The following PRKD1 variants were observed in gnomAD, a reference collection of about 807,000 sequenced individuals.
The protein encoded by PRKD1 is protein kinase D1.
PRKD1 carries 63 observed loss-of-function variants against 95.9 expected under a neutral mutation model. That is an observed-to-expected ratio of 0.66 (90% CI 0.54 to 0.81). The LOEUF is 0.81. Among genes scored for constraint, PRKD1 ranks in the 30% least tolerant of loss-of-function variants. The pLI, the probability that PRKD1 is intolerant of heterozygous loss-of-function variation, is 0.00. For synonymous variants in PRKD1, 425 were observed against 423.1 expected (o/e 1.00, Z -0.05); for missense variants, 1,048 against 1,165.3 (o/e 0.90, Z 1.47).
At chr14:29,923,805 T>C (rs1895203497) in intron 1 of PRKD1, among the ~76,000 whole-genome samples, 1 of 146,294 alleles carries the variant, frequency 6.8e-6, no homozygotes, top group East Asian at 2.0e-4. Flanking sequence ...CACAGCTCAT[T>C]TGAGGAAAAA....
chr14:29,702,431 C>T (rs965167345), intron 2 of PRKD1, among the ~76,000 whole-genome samples: 1 of 151,984 alleles, frequency 6.6e-6, no homozygotes, highest in Non-Finnish European at 1.5e-5. Context: ...TTCTTTCTCA[C>T]TTCCCTGTTA....
At chr14:29,594,907 A>G (rs1027875436) in intron 16 of PRKD1, among the ~76,000 whole-genome samples, 7 of 152,138 alleles carry the variant, frequency 4.6e-5, no homozygotes, top group African/African-American at 1.7e-4. Context: ...CTTTTGTGAC[A>G]CCTTAACTGA....
chr14:29,801,953 G>A (rs890459754), intron 1 of PRKD1, among the ~76,000 whole-genome samples: 7 of 152,228 alleles, frequency 4.6e-5, no homozygotes, highest in Admixed American at 6.5e-5. Context: ...CTCCCAAAGT[G>A]CTGGGATTAC....
intron 16 of PRKD1, among the ~76,000 whole-genome samples, chr14:29,584,789 A>G (rs982947960): frequency 6.6e-5 from 10 of 152,174 alleles, no homozygotes; most frequent in African/African-American, 2.4e-4. Flanking sequence ...AAGATCAGTG[A>G]CTTCTTTTAG....
intron 1 of PRKD1, among the ~76,000 whole-genome samples, chr14:29,865,375 A>C (rs949595876): frequency 6.6e-6 from 1 of 152,232 alleles, no homozygotes; most frequent in Non-Finnish European, 1.5e-5. Flanking sequence ...GTCCCTATAA[A>C]ACCCATGTTG....
chr14:29,609,503 C>CAT (rs1211217345), intron 13 of PRKD1, among the ~76,000 whole-genome samples: 9 of 60,902 alleles, frequency 1.5e-4, no homozygotes, highest in African/African-American at 6.1e-4. Context: ...TGTGTGTGTG[C>CAT]GTGCACACAC....
chr14:29,720,720 C>T (rs1218595964), intron 2 of PRKD1, among the ~76,000 whole-genome samples: 1 of 151,156 alleles, frequency 6.6e-6, no homozygotes, highest in East Asian at 1.9e-4. Context: ...GTGGAGGTTG[C>T]AGTGAGCCAA....
At chr14:29,905,349 G>A (rs1894458665) in intron 1 of PRKD1, among the ~76,000 whole-genome samples, 1 of 152,154 alleles carries the variant, frequency 6.6e-6, no homozygotes, top group African/African-American at 2.4e-5. Context: ...TGCACTTCAA[G>A]GAATGTGGGT....
chr14:29,663,783 G>A lies in PRKD1; in HGVS notation c.612C>T (p.Leu204=), dbSNP rs1420535890. 1 of 1,614,026 alleles carries A rather than the reference G, an allele frequency of 6.2e-7. No homozygotes were observed. Among genetic ancestry groups the A allele is most frequent in the Non-Finnish European group, 8.5e-7 (1 of 1,179,964 alleles). Residue 204 remains leucine (L), a synonymous_variant, in exon 4 of 18, where the codon CTC becomes CTT. Transcript: ENST00000331968. ...NNCSGVRRRR[L]SNVSLTGVST... ...TGACCCCAGTGAGGGAAACGTTTGA[G>A]AGCCTTCTCCGCCTCACACCGCTGC...
intron 1 of PRKD1, among the ~76,000 whole-genome samples, chr14:29,759,604 G>A (rs1184489226): frequency 6.6e-6 from 1 of 152,118 alleles, no homozygotes; most frequent in Non-Finnish European, 1.5e-5. Flanking sequence ...GTGATTCTTG[G>A]ATTAAGTTTG....
intron 1 of PRKD1, among the ~76,000 whole-genome samples, chr14:29,812,571 G>A (rs1000656225): frequency 6.6e-6 from 1 of 152,178 alleles, no homozygotes; most frequent in Admixed American, 6.5e-5. Context: ...ATGGTGGAAG[G>A]TGAAGGGGAA....
intron 1 of PRKD1, among the ~76,000 whole-genome samples, chr14:29,911,434 C>T (rs1279268150): frequency 1.3e-5 from 2 of 152,112 alleles, no homozygotes; most frequent in Admixed American, 6.6e-5. Flanking sequence ...AATTATAAAA[C>T]CAATGTACAT....
intron 1 of PRKD1, among the ~76,000 whole-genome samples, chr14:29,901,527 C>A (rs1157054034): frequency 6.6e-6 from 1 of 152,016 alleles, no homozygotes; most frequent in Non-Finnish European, 1.5e-5. Flanking sequence ...ACAGCAACAA[C>A]AATAGTAGAA....
At chr14:29,850,339 T>C (rs1892259404) in intron 1 of PRKD1, among the ~76,000 whole-genome samples, 1 of 152,210 alleles carries the variant, frequency 6.6e-6, no homozygotes, top group Admixed American at 6.5e-5. Context: ...CTGGAACTGA[T>C]AAATGACTTG....
chr14:29,672,941 G>A (rs904012800), intron 2 of PRKD1, among the ~76,000 whole-genome samples: 16 of 152,012 alleles, frequency 1.1e-4, no homozygotes, highest in African/African-American at 2.9e-4. Context: ...GATGCACCGG[G>A]ACAGTAGGAG....
At chr14:29,906,026 A>T (rs1297717001) in intron 1 of PRKD1, among the ~76,000 whole-genome samples, 1 of 152,174 alleles carries the variant, frequency 6.6e-6, no homozygotes, top group Non-Finnish European at 1.5e-5. Context: ...AAAACACATG[A>T]GGTGTAAATC....
At chr14:29,608,452 G>A (rs1336455648) in intron 13 of PRKD1, among the ~76,000 whole-genome samples, 2 of 151,806 alleles carry the variant, frequency 1.3e-5, no homozygotes, top group African/African-American at 2.4e-5. Context: ...GATATATAAG[G>A]GAAAGATGAA....
intron 16 of PRKD1, among the ~76,000 whole-genome samples, chr14:29,581,813 TAAGCCCATCTGCTA>T (rs1362229996): frequency 6.6e-6 from 1 of 152,180 alleles, no homozygotes; most frequent in African/African-American, 2.4e-5. Flanking sequence ...TCACACCGAA[TAAGCCCATCTGCTA>T]TGTATTAATA....
At chr14:29,903,438 A>G (rs1270385612) in intron 1 of PRKD1, among the ~76,000 whole-genome samples, 1 of 152,206 alleles carries the variant, frequency 6.6e-6, no homozygotes, top group Admixed American at 6.5e-5. Flanking sequence ...CACGGATACT[A>G]CTGAGGAACA....
Sources: gnomAD v4.1 joint callset for allele counts (sites outside exome capture counted in the v4.1 genomes callset) on GRCh38, gnomAD v4.1.1 for gene constraint, MANE v1.5 for transcripts, NCBI Gene and HGNC (gene_info 2026-07-23, HGNC 2026-07-21) for gene names.